The following CECR2 variants were observed in gnomAD, a reference collection of about 807,000 sequenced individuals.
CECR2 encodes chromatin remodeling regulator CECR2.
A neutral mutation model predicts 154.5 loss-of-function variants in CECR2; 30 were observed. The observed-to-expected ratio is 0.19, with a 90% CI of 0.15 to 0.26. The LOEUF (loss-of-function observed/expected upper bound fraction) is 0.26, where lower values mean the gene tolerates loss of function less well. Among genes scored for constraint, CECR2 ranks in the 10% least tolerant of loss-of-function variants. CECR2 has a pLI of 1.00. For missense variants in CECR2, 1,743 were observed against 1,829.3 expected, an observed-to-expected ratio of 0.95 and a Z score of 0.86; for synonymous variants, 725 against 683.7, an observed-to-expected ratio of 1.06 and a Z score of -0.94.
chr22:17,379,439 TGCTGCAGCCTGGG>T (rs1289145098), intron 1 of CECR2, among the ~76,000 whole-genome samples: 2 of 152,152 alleles, frequency 1.3e-5, no homozygotes, highest in East Asian at 3.9e-4. Flanking sequence ...GGGGTGTTTG[TGCTGCAGCCTGGG>T]GCTGGAGCGG....
intron 8 of CECR2, chr22:17,518,963 C>G (rs1035101733): frequency 7.2e-5 from 16 of 221,470 alleles, no homozygotes; most frequent in African/African-American, 3.5e-4. Flanking sequence ...ATTGCCTGTC[C>G]TCCTTTGTCA....
chr22:17,381,894 T>G (rs1272025165), intron 1 of CECR2, among the ~76,000 whole-genome samples: 11 of 146,886 alleles, frequency 7.5e-5, no homozygotes, highest in Admixed American at 4.0e-4. Context: ...ATTTTTTTTT[T>G]TTGTTTTTTT....
At chr22:17,546,064 G>GA (rs1417681588) in intron 16 of CECR2, among the ~76,000 whole-genome samples, 2 of 150,760 alleles carry the variant, frequency 1.3e-5, no homozygotes, top group East Asian at 2.0e-4. Context: ...TTTAAAAAAA[G>GA]AAAAAAAATG....
Position 17,466,317 on chromosome 22 carries a change from G to A in CECR2, c.127-11271G>A, listed in dbSNP as rs555345810. 2.6e-5 allele frequency among the ~76,000 whole-genome samples: 4 copies of A among 152,192 alleles called. No homozygotes were observed. The East Asian group carries it at 7.7e-4, about 29-fold the overall frequency. On this transcript the variant is annotated intron_variant, in intron 1 of 18. Coordinates refer to ENST00000262608, the MANE Select transcript of CECR2 (RefSeq NM_001290047.2). Reference sequence around the variant, plus strand: ...GGTTGGTTTCAGGCTATTTATTGTCGTTTCCCTCATTTCTTTAAGCAAATT... The same window carrying A: ...GGTTGGTTTCAGGCTATTTATTGTCATTTCCCTCATTTCTTTAAGCAAATT...
In CECR2 at chr22:17,548,808, C is replaced by T. The variant is rs1190004358; in HGVS notation, c.3521C>T (p.Pro1174Leu). Reference sequence around the variant, plus strand: ...AACCACCCACATTCTGGAGGCTTTCCCCGGTATCGCCCCCCACAAGGAATG... The same window carrying T: ...AACCACCCACATTCTGGAGGCTTTCTCCGGTATCGCCCCCCACAAGGAATG... The part of the protein sequence containing the change: ...QSNHPHSGGF[P>L]RYRPPQGMRY... Residue 1174 changes from proline to leucine, a missense_variant, in exon 17 of 19, where the codon CCC becomes CTC. Around this residue, in one of 4 missense-constraint regions of CECR2, gnomAD observed 1,250 missense variants for 1,192.1 expected, o/e 1.05. Coordinates refer to ENST00000262608, the MANE Select transcript of CECR2 (RefSeq NM_001290047.2). 3 of 1,613,720 alleles carry T rather than the reference C, an allele frequency of 1.9e-6. No homozygotes were observed. In the South Asian group the frequency reaches 3.3e-5, roughly 18 times the overall value.
intron 2 of CECR2, among the ~76,000 whole-genome samples, chr22:17,484,265 T>C (rs1051392604): frequency 1.1e-4 from 17 of 152,180 alleles, no homozygotes; most frequent in African/African-American, 3.6e-4. Flanking sequence ...TCCTAACCCA[T>C]TGCAGCCTCA....
chr22:17,379,146 A>G (rs889567975), intron 1 of CECR2, among the ~76,000 whole-genome samples: 1 of 152,012 alleles, frequency 6.6e-6, no homozygotes, highest in Non-Finnish European at 1.5e-5. Flanking sequence ...TAGTAGAGAC[A>G]GGGTTTCACC....
chr22:17,547,059 A>AT (rs1469107070), intron 16 of CECR2, among the ~76,000 whole-genome samples: 1 of 149,980 alleles, frequency 6.7e-6, no homozygotes, highest in Non-Finnish European at 1.5e-5. Flanking sequence ...AAAAAAAAAA[A>AT]GATTATTTTA....
chr22:17,424,589 C>A, intron 1 of CECR2: 1 of 158,782 alleles, frequency 6.3e-6, no homozygotes. Flanking sequence ...GATCTCTCCT[C>A]ACACTTCCAG....
intron 2 of CECR2, among the ~76,000 whole-genome samples, chr22:17,494,156 C>T (rs2055579366): frequency 6.6e-6 from 1 of 152,210 alleles, no homozygotes; most frequent in Non-Finnish European, 1.5e-5. Flanking sequence ...AGCGCAATGG[C>T]GCGATCTTGG....
intron 9 of CECR2, among the ~76,000 whole-genome samples, chr22:17,526,583 G>T (rs2146973179): frequency 6.6e-6 from 1 of 152,272 alleles, no homozygotes; most frequent in South Asian, 2.1e-4. Flanking sequence ...GGCCAAGGCG[G>T]GTGAATTACA....
At chr22:17,468,080 T>C (rs2055063895) in intron 1 of CECR2, among the ~76,000 whole-genome samples, 1 of 152,200 alleles carries the variant, frequency 6.6e-6, no homozygotes, top group South Asian at 2.1e-4. Context: ...GTTTTTGCTA[T>C]GGAGGTACTT....
intron 1 of CECR2, among the ~76,000 whole-genome samples, chr22:17,386,802 C>T (rs1194352149): frequency 2.6e-5 from 4 of 152,052 alleles, no homozygotes; most frequent in Non-Finnish European, 4.4e-5. Context: ...AGGCGCATGC[C>T]ACCACGCCCA....
intron 1 of CECR2, among the ~76,000 whole-genome samples, chr22:17,398,181 A>G (rs964786787): frequency 1.3e-5 from 2 of 151,184 alleles, no homozygotes; most frequent in African/African-American, 2.4e-5. Flanking sequence ...TCATCTGTTA[A>G]TTGCATTTTG....
chr22:17,515,368 C>T (rs1363190358), intron 8 of CECR2, among the ~76,000 whole-genome samples: 1 of 152,196 alleles, frequency 6.6e-6, no homozygotes, highest in Non-Finnish European at 1.5e-5. Context: ...CCGGTGCAGG[C>T]TCCCACCTGC....
At chr22:17,482,593 G>A (rs997763026) in intron 2 of CECR2, among the ~76,000 whole-genome samples, 2 of 151,894 alleles carry the variant, frequency 1.3e-5, no homozygotes, top group Non-Finnish European at 2.9e-5. Flanking sequence ...GAGTGCAGTG[G>A]TGCAGTCTTG....
chr22:17,466,598 CTT>C (rs1555913227), intron 1 of CECR2, among the ~76,000 whole-genome samples: 1 of 140,142 alleles, frequency 7.1e-6, no homozygotes, highest in Non-Finnish European at 1.6e-5. Context: ...AAAACCTTGC[CTT>C]TTTTTTTTTT....
chr22:17,402,603 C>T (rs893066490), intron 1 of CECR2, among the ~76,000 whole-genome samples: 1 of 152,166 alleles, frequency 6.6e-6, no homozygotes, highest in African/African-American at 2.4e-5. Context: ...ACCCTCCACC[C>T]AGCTTCCTCT....
intron 1 of CECR2, among the ~76,000 whole-genome samples, chr22:17,442,146 G>A (rs989714793): frequency 1.5e-5 from 2 of 131,204 alleles, no homozygotes; most frequent in African/African-American, 7.5e-5. Flanking sequence ...GGGAAAGACA[G>A]AAAAAACCGC....
Sources: gnomAD v4.1 joint callset for allele counts (sites outside exome capture counted in the v4.1 genomes callset) on GRCh38, gnomAD v4.1.1 for gene constraint, gnomAD v4.1.1 regional missense constraint, MANE v1.5 for transcripts, NCBI Gene and HGNC (gene_info 2026-07-23, HGNC 2026-07-21) for gene names.